Variants in TPGS2 observed in about 807,000 individuals in gnomAD.
TPGS2 encodes the protein tubulin polyglutamylase complex subunit 2.
In TPGS2, 26 loss-of-function variants were observed where a neutral mutation model predicts 31.1. That is an observed-to-expected ratio of 0.84 (90% confidence interval 0.61 to 1.16). The LOEUF is 1.16. Among genes scored for constraint, TPGS2 ranks in the 50% most tolerant of loss-of-function variants. TPGS2 has a pLI of 0.00. For missense variants in TPGS2, 351 were observed against 363.8 expected (o/e 0.96, Z 0.29); for synonymous variants, 130 against 136.6 (o/e 0.95, Z 0.34).
chr18:36,827,457 A>G (rs1296755141), intron 1 of TPGS2, among the ~76,000 whole-genome samples: 1 of 152,240 alleles, frequency 6.6e-6, no homozygotes, highest in Admixed American at 6.5e-5. Flanking sequence ...TTCCAGGTGC[A>G]AGGACTAGCA....
rs1388635326 is a variant in TPGS2, at chr18:36,828,819, C to G, written c.-52G>C. The G allele has an allele frequency of 6.3e-7, 1 of 1,593,828 alleles. No homozygotes were observed. Among genetic ancestry groups the G allele is most frequent in the Non-Finnish European group, 8.6e-7 (1 of 1,167,730 alleles). ...CGGGAGCGGGTGGAGGGCCGGACCCCGCCTCAGCGCCGAGGCCAATTTCAT... is the reference window on the plus strand; with the variant it reads ...CGGGAGCGGGTGGAGGGCCGGACCCGGCCTCAGCGCCGAGGCCAATTTCAT... On this transcript the variant is annotated 5_prime_UTR_variant, in exon 1 of 7. Transcript: ENST00000334295.
intron 1 of TPGS2, among the ~76,000 whole-genome samples, chr18:36,823,619 C>G (rs1055292367): frequency 6.6e-6 from 1 of 151,098 alleles, no homozygotes; most frequent in Admixed American, 6.6e-5. Context: ...CGCTACCACG[C>G]CCGGCTAATT....
At chr18:36,828,634 T>C (rs1340026192) in intron 1 of TPGS2, 49 bp downstream of exon 1, 1 of 1,604,652 alleles carries the variant, frequency 6.2e-7, no homozygotes, top group South Asian at 1.1e-5. Context: ...CCTCCGCTCC[T>C]CCTTCCTTCT....
intron 2 of TPGS2, among the ~76,000 whole-genome samples, chr18:36,812,006 C>T (rs1296989696): frequency 1.3e-5 from 2 of 152,184 alleles, no homozygotes; most frequent in East Asian, 3.9e-4. Context: ...AATGTAAACA[C>T]AAGTCCAAAA....
downstream of TPGS2, among the ~76,000 whole-genome samples, chr18:36,782,628 T>C (rs974761495): frequency 6.6e-6 from 1 of 152,150 alleles, no homozygotes; most frequent in African/African-American, 2.4e-5. Flanking sequence ...CTGAAGATGA[T>C]GTTTTTGAGA....
chr18:36,814,626 G>T (rs1049266033), intron 2 of TPGS2, among the ~76,000 whole-genome samples: 1 of 152,240 alleles, frequency 6.6e-6, no homozygotes, highest in East Asian at 1.9e-4. Flanking sequence ...TTAGCCAAGG[G>T]TCCAGAGCTG....
chr18:36,781,898 A>G (rs1250776271), downstream of TPGS2: 3 of 985,378 alleles, frequency 3.0e-6, no homozygotes, highest in Non-Finnish European at 3.6e-6. Context: ...GGGTCTGTAC[A>G]TTATAGACGG....
rs555374830 is a variant in TPGS2, at chr18:36,800,635, C to T, written c.383-324G>A. The stretch of plus-strand genomic sequence containing the variant: ...TGCTGACATAACTTCATTTCCTTTC[C>T]TGAGATTGTTTATTCTATAAAAGTG... On this transcript the variant is annotated intron_variant, in intron 4 of 6. Coordinates refer to ENST00000334295, the MANE Select transcript of TPGS2 (RefSeq NM_015476.4). 2.6e-5 allele frequency among the ~76,000 whole-genome samples: 4 copies of T among 151,936 alleles called. No homozygotes were observed. The East Asian group carries it at 7.7e-4, about 29-fold the overall frequency.
chr18:36,819,723 G>T (rs1384946562), intron 1 of TPGS2, among the ~76,000 whole-genome samples: 2 of 152,156 alleles, frequency 1.3e-5, no homozygotes, highest in African/African-American at 4.8e-5. Context: ...CATAAAAGCT[G>T]TTATGACTTG....
At position 36,796,751 on chromosome 18, in the gene TPGS2, C is replaced by G. The variant is rs1303854213; in HGVS notation, c.*54G>C. The stretch of plus-strand genomic sequence containing the variant: ...AACTGGAGGTCACCCCTAGGGCCAT[C>G]TGTGCATGGAAACCACCACTCTGGA... On this transcript the variant is annotated 3_prime_UTR_variant, in exon 7 of 7. Transcript: ENST00000334295. The G allele has an allele frequency of 3.8e-6, 6 of 1,565,392 alleles. No homozygotes were observed. The African/African-American group carries it at 8.3e-5, about 22-fold the overall frequency.
intron 1 of TPGS2, 61 bp downstream of exon 1, chr18:36,828,622 T>TC (rs953064020): frequency 3.5e-5 from 56 of 1,585,356 alleles, no homozygotes; most frequent in Non-Finnish European, 4.6e-5. Context: ...CCGCACCTCA[T>TC]CCCTCCGCTC....
chr18:36,806,340 C>T, intron 3 of TPGS2, among the ~76,000 whole-genome samples: 1 of 152,050 alleles, frequency 6.6e-6, no homozygotes, highest in Non-Finnish European at 1.5e-5. Context: ...TTCTCTGAAG[C>T]AGGCATATAA....
intron 6 of TPGS2, among the ~76,000 whole-genome samples, chr18:36,783,745 T>A (rs1470177760): frequency 6.6e-6 from 1 of 152,168 alleles, no homozygotes; most frequent in African/African-American, 2.4e-5. Context: ...AGATGGTGTA[T>A]CACCAAATAC....
At position 36,795,590 on chromosome 18, in the gene TPGS2, A is replaced by AAT; in HGVS notation, c.*1213_*1214dup. On this transcript the variant is annotated 3_prime_UTR_variant, in exon 7 of 7. Coordinates refer to ENST00000334295, the MANE Select transcript of TPGS2 (RefSeq NM_015476.4). ...AAATAAATAGGCATTCCTAATTGAA[A>AAT]ATCTGAGCAACCTTCTCTGTAAAAA... is the stretch of plus-strand genomic sequence containing the variant. 1 of 985,450 alleles carries AAT rather than the reference A, an allele frequency of 1.0e-6. No homozygotes were observed. Among genetic ancestry groups the AAT allele is most frequent in the Non-Finnish European group, 1.2e-6 (1 of 829,932 alleles). 61.0% of individuals were successfully genotyped at this position (985,450 alleles called of 1,614,324 possible). A position where few individuals can be genotyped will look rare whatever the true frequency, so the allele number is the denominator to read the frequency against.
At chr18:36,814,570 C>T (rs182143696) in intron 2 of TPGS2, among the ~76,000 whole-genome samples, 590 of 152,284 alleles carry the variant, frequency 3.9e-3, no homozygotes, top group Non-Finnish European at 6.6e-3. Context: ...TTTCAAATTA[C>T]TTATTTTATA....
chr18:36,813,861 C>T (rs1284378950), intron 2 of TPGS2, among the ~76,000 whole-genome samples: 2 of 152,128 alleles, frequency 1.3e-5, no homozygotes, highest in African/African-American at 4.8e-5. Flanking sequence ...CAGAGAATCT[C>T]CCAGGCAGAG....
chr18:36,802,876 T>C (rs1267275198), intron 4 of TPGS2, among the ~76,000 whole-genome samples: 2 of 152,160 alleles, frequency 1.3e-5, no homozygotes, highest in East Asian at 3.9e-4. Context: ...TTCGCCCCCC[T>C]CGGCCTCCCA....
At chr18:36,780,828 G>C (rs904291242), downstream of TPGS2, among the ~76,000 whole-genome samples, 1 of 152,192 alleles carries the variant, frequency 6.6e-6, no homozygotes, top group Non-Finnish European at 1.5e-5. Context: ...AATGGAGCTT[G>C]CAGGACTGGA....
At position 36,796,611 on chromosome 18, in the gene TPGS2, G is replaced by A; in HGVS notation, c.*194C>T. 1 of 1,345,086 alleles carries A rather than the reference G, an allele frequency of 7.4e-7. No individual in the cohort carries two copies. The allele number at this position is 1,345,086 out of a possible 1,614,324, so 83.3% of individuals were successfully genotyped here. A position where few individuals can be genotyped will look rare whatever the true frequency, so the allele number is the denominator to read the frequency against. On this transcript the variant is annotated 3_prime_UTR_variant, in exon 7 of 7. Coordinates refer to ENST00000334295, the MANE Select transcript of TPGS2 (RefSeq NM_015476.4). Reference sequence around the variant, plus strand: ...AATTCCCCATTGCTTCCAGAGGCAGGGGACAGCACAACCTGCTCTGGAGGC... The same window carrying A: ...AATTCCCCATTGCTTCCAGAGGCAGAGGACAGCACAACCTGCTCTGGAGGC...
Sources: gnomAD v4.1 joint callset for allele counts (sites outside exome capture counted in the v4.1 genomes callset) on GRCh38, gnomAD v4.1.1 for gene constraint, MANE v1.5 for transcripts, NCBI Gene and HGNC (gene_info 2026-07-23, HGNC 2026-07-21) for gene names.